Variants in RAP1GAP2 observed in about 807,000 individuals in gnomAD.
RAP1GAP2 encodes the protein rap1 GTPase-activating protein 2.
Under a neutral mutation model 95.0 loss-of-function variants are expected in RAP1GAP2, and 27 were observed. The ratio of observed to expected loss-of-function variants is 0.28; its 90% CI spans 0.21 to 0.39. RAP1GAP2 has a LOEUF of 0.39. RAP1GAP2 is among the 10% of genes least tolerant of loss of function. The pLI, the probability that RAP1GAP2 is intolerant of heterozygous loss-of-function variation, is 1.00. For missense variants in RAP1GAP2, 771 were observed against 970.0 expected, an observed-to-expected ratio of 0.79 and a Z score of 2.72; for synonymous variants, 373 against 380.9, an observed-to-expected ratio of 0.98 and a Z score of 0.24.
intron 2 of RAP1GAP2, among the ~76,000 whole-genome samples, chr17:2,895,156 TA>T (rs1173422420): frequency 6.6e-6 from 1 of 152,164 alleles, no homozygotes; most frequent in African/African-American, 2.4e-5. Context: ...GTCACTACCA[TA>T]AAAGGAAAAT....
At chr17:2,755,732 G>A in exon 1 of RAP1GAP2, 1 of 343,072 alleles carries the variant, frequency 2.9e-6, no homozygotes, top group Non-Finnish European at 5.3e-6. Context: ...CGGGCCGCCG[G>A]GCGCCGGGGG....
At chr17:2,948,795 G>C (rs2043805537) in intron 3 of RAP1GAP2, among the ~76,000 whole-genome samples, 1 of 151,976 alleles carries the variant, frequency 6.6e-6, no homozygotes, top group Admixed American at 6.5e-5. Context: ...CTGTGGACCA[G>C]GGGGAGGCAG....
At chr17:2,818,134 C>A (rs1287707752) in intron 2 of RAP1GAP2, among the ~76,000 whole-genome samples, 1 of 152,034 alleles carries the variant, frequency 6.6e-6, no homozygotes, top group African/African-American at 2.4e-5. Flanking sequence ...CTGCGCCCGG[C>A]CTCTATGTTT....
Position 3,006,083 on chromosome 17 carries a change from G to A in RAP1GAP2, c.1359+42G>A, listed in dbSNP as rs1050030567. On this transcript the variant is annotated intron_variant, in intron 16 of 24. Transcript: ENST00000254695. The stretch of plus-strand genomic sequence containing the variant: ...TGAAGGTCTCCCTCCTGACTGCTGG[G>A]CCACCTGTTAGCCAGCCTCATCCAG... 2.7e-6 allele frequency: 4 copies of A among 1,505,832 alleles called. No individual in the cohort carries two copies. The African/African-American group carries it at 5.6e-5, about 21-fold the overall frequency. 93.3% of individuals were successfully genotyped at this position (1,505,832 alleles called of 1,614,324 possible). A position where few individuals can be genotyped will look rare whatever the true frequency, so the allele number is the denominator to read the frequency against.
intron 4 of RAP1GAP2, among the ~76,000 whole-genome samples, chr17:2,958,284 T>C (rs1256942855): frequency 1.3e-5 from 2 of 152,030 alleles, no homozygotes; most frequent in Non-Finnish European, 2.9e-5. Context: ...CCCACTTACA[T>C]GGTGGTTGGG....
At chr17:3,017,984 T>C in intron 17 of RAP1GAP2, 77 bp from the exon 18 acceptor site, 5 of 1,471,344 alleles carry the variant, frequency 3.4e-6, no homozygotes, top group Non-Finnish European at 3.7e-6. Flanking sequence ...GGGCTGTGTC[T>C]ACAGACCCCA....
intron 8 of RAP1GAP2, among the ~76,000 whole-genome samples, chr17:2,974,330 A>C (rs1180240885): frequency 2.0e-5 from 3 of 151,582 alleles, no homozygotes; most frequent in Admixed American, 6.6e-5. Context: ...GCCTGGGCGA[A>C]AGAGCGAGAT....
At chr17:2,830,965 CTT>C (rs2070812171) in intron 2 of RAP1GAP2, among the ~76,000 whole-genome samples, 1 of 101,342 alleles carries the variant, frequency 9.9e-6, no homozygotes, top group African/African-American at 3.8e-5. Context: ...CTCCCCTCCC[CTT>C]CCCTCCCTTC....
rs1312759534 is a variant in RAP1GAP2, at chr17:2,906,985, CTT to C, written c.165+1619_165+1620del. ...CTGCATCCGCAAGATCAGTCTCATTCTTTCTCTCTTCTGTGTTGGTTTCATTC... is the reference window on the plus strand; with the variant it reads ...CTGCATCCGCAAGATCAGTCTCATTCTCTCTCTTCTGTGTTGGTTTCATTC... On this transcript the variant is annotated intron_variant, in intron 3 of 24. Coordinates refer to ENST00000254695, the MANE Select transcript of RAP1GAP2 (RefSeq NM_015085.5). This position sits in a 1 kb window ranked among gnomAD's most constrained non-coding sequence, Gnocchi z 4.3. 6.6e-6 allele frequency among the ~76,000 whole-genome samples: 1 copy of C among 152,150 alleles called. No individual in the cohort carries two copies. The highest frequency in any genetic ancestry group is 1.9e-4 in the East Asian group (1 of 5,166).
At chr17:2,854,432 C>T (rs374369663) in intron 2 of RAP1GAP2, among the ~76,000 whole-genome samples, 27 of 152,236 alleles carry the variant, frequency 1.8e-4, no homozygotes, top group African/African-American at 6.0e-4. Flanking sequence ...GCCATTGATC[C>T]AGCCCAGGCG....
intron 13 of RAP1GAP2, among the ~76,000 whole-genome samples, chr17:2,997,150 A>G (rs2045987640): frequency 1.4e-5 from 2 of 146,560 alleles, no homozygotes; most frequent in South Asian, 4.3e-4. Flanking sequence ...GGCCGAGATC[A>G]CACCCAGAAG....
rs753377969 is a variant in RAP1GAP2, at chr17:2,995,471, C to A, written c.1044+5C>A. The stretch of plus-strand genomic sequence containing the variant: ...ACCGACGGAGACGCCCAGCAGGTAA[C>A]CTGGTTTGGGAGGGCTTTGGGAGCC... On this transcript the variant is annotated splice_donor_5th_base_variant and intron_variant, in intron 13 of 24. Transcript: ENST00000254695. The A allele has an allele frequency of 6.2e-7, 1 of 1,613,388 alleles. No homozygotes were observed. The highest frequency in any genetic ancestry group is 8.5e-7 in the Non-Finnish European group (1 of 1,179,614).
intron 3 of RAP1GAP2, among the ~76,000 whole-genome samples, chr17:2,954,173 T>C (rs150922327): frequency 0.037 from 5,636 of 152,062 alleles, 351 homozygotes; most frequent in African/African-American, 0.13. Flanking sequence ...AGCGCGATCT[T>C]GGCTCACTGC....
rs74926266 is a variant in RAP1GAP2, at chr17:3,027,865, G to T, written c.2107+795G>T. On this transcript the variant is annotated intron_variant, in intron 22 of 24. Coordinates refer to ENST00000254695, the MANE Select transcript of RAP1GAP2 (RefSeq NM_015085.5). This position sits in a 1 kb window ranked among gnomAD's most constrained non-coding sequence, Gnocchi z 5.2. ...GAGATCAAGGAGGTAAAATGTACGGGCTCAGTAGCAGGGGTTCAGAGAGAG... is the reference window on the plus strand; with the variant it reads ...GAGATCAAGGAGGTAAAATGTACGGTCTCAGTAGCAGGGGTTCAGAGAGAG... 0.015 allele frequency among the ~76,000 whole-genome samples: 2,219 copies of T among 151,970 alleles called. 49 individuals are homozygous for T. Among genetic ancestry groups the T allele is most frequent in the African/African-American group, 0.05 (2,050 of 41,358 alleles).
intron 3 of RAP1GAP2, among the ~76,000 whole-genome samples, chr17:2,931,639 A>G (rs1335929431): frequency 6.6e-6 from 1 of 152,234 alleles, no homozygotes; most frequent in African/African-American, 2.4e-5. Context: ...ATGTATAATT[A>G]GGCTGTGGGA....
chr17:3,011,905 C>T (rs953477719), intron 17 of RAP1GAP2, among the ~76,000 whole-genome samples: 1 of 152,072 alleles, frequency 6.6e-6, no homozygotes, highest in Admixed American at 6.5e-5. Context: ...TGAGGCACTG[C>T]GCCCGGCCTC....
chr17:2,800,356 T>A, intron 1 of RAP1GAP2, 159 bp from the exon 2 acceptor site: 4 of 736,756 alleles, frequency 5.4e-6, no homozygotes, highest in Non-Finnish European at 6.6e-6. Context: ...CTCAGAGGCG[T>A]CTCTCCCCCT....
chr17:3,032,172 C>T (rs1191314749), intron 23 of RAP1GAP2, among the ~76,000 whole-genome samples: 2 of 150,752 alleles, frequency 1.3e-5, no homozygotes, highest in Non-Finnish European at 3.0e-5. Flanking sequence ...CTATCGAGAG[C>T]TCCAGGTCCA....
intron 18 of RAP1GAP2, 71 bp downstream of exon 18, chr17:3,018,269 G>A: frequency 6.7e-7 from 1 of 1,494,062 alleles, no homozygotes; most frequent in Non-Finnish European, 8.9e-7. Context: ...TGGAGGAAGA[G>A]TGCCCCCACC....
Sources: allele counts gnomAD v4.1 joint callset (sites outside exome capture counted in the v4.1 genomes callset), GRCh38; gene constraint gnomAD v4.1.1; non-coding constraint Gnocchi (gnomAD v3.1); transcripts MANE v1.5; gene names NCBI Gene and HGNC (gene_info 2026-07-23, HGNC 2026-07-21).